The following KCNU1 variants were observed in gnomAD, a reference collection of about 807,000 sequenced individuals.
KCNU1 encodes the protein potassium channel subfamily U member 1.
In KCNU1, 93 loss-of-function variants were observed where a neutral mutation model predicts 126.8. That is an observed-to-expected ratio of 0.73 (90% CI 0.62 to 0.87). KCNU1 has a LOEUF of 0.87. KCNU1 is among the 40% of genes least tolerant of loss of function. KCNU1 has a pLI of 0.00. For synonymous variants in KCNU1, 523 were observed against 494.2 expected (o/e 1.06, Z -0.77); for missense variants, 1,330 against 1,367.1 (o/e 0.97, Z 0.43).
At chr8:36,900,330 A>G (rs913668849) in intron 19 of KCNU1, among the ~76,000 whole-genome samples, 2 of 152,152 alleles carry the variant, frequency 1.3e-5, no homozygotes, top group African/African-American at 4.8e-5. Context: ...GAAATGAACT[A>G]TATAAAATTA....
At chr8:36,869,335 C>T (rs1806019758) in intron 19 of KCNU1, among the ~76,000 whole-genome samples, 1 of 152,090 alleles carries the variant, frequency 6.6e-6, no homozygotes, top group Non-Finnish European at 1.5e-5. Context: ...CCTGGAAATT[C>T]TCCCTATTGG....
chr8:36,876,401 C>T (rs981225285), intron 19 of KCNU1, among the ~76,000 whole-genome samples: 1 of 152,168 alleles, frequency 6.6e-6, no homozygotes, highest in African/African-American at 2.4e-5. Flanking sequence ...TGTCAGAGGA[C>T]TCTCAGTCTT....
intron 19 of KCNU1, among the ~76,000 whole-genome samples, chr8:36,867,798 T>C (rs1419798971): frequency 2.0e-5 from 3 of 152,176 alleles, no homozygotes; most frequent in African/African-American, 2.4e-5. Flanking sequence ...TTCTCGTCTG[T>C]AATAAACAAG....
intron 16 of KCNU1, 85 bp downstream of exon 16, chr8:36,841,088 C>A: frequency 1.1e-6 from 1 of 909,004 alleles, no homozygotes; most frequent in East Asian, 2.7e-5. Flanking sequence ...AGAATTTTTC[C>A]AAAGATGCAG....
chr8:36,811,803 GT>G (rs1803727560), intron 7 of KCNU1, among the ~76,000 whole-genome samples: 1 of 151,978 alleles, frequency 6.6e-6, no homozygotes, highest in Non-Finnish European at 1.5e-5. Context: ...ATGATGGCAG[GT>G]GCCTATAAAC....
intron 19 of KCNU1, among the ~76,000 whole-genome samples, chr8:36,886,119 G>A (rs939447146): frequency 6.6e-6 from 1 of 152,126 alleles, no homozygotes; most frequent in Admixed American, 6.5e-5. Context: ...AGAGGTGCAA[G>A]GAACAGATTA....
intron 7 of KCNU1, among the ~76,000 whole-genome samples, 182 bp from the exon 8 acceptor site, chr8:36,814,025 C>T (rs768062839): frequency 1.4e-4 from 21 of 152,208 alleles, no homozygotes; most frequent in Non-Finnish European, 2.4e-4. Flanking sequence ...CAAGACTTTA[C>T]ACTCACTACC....
intron 18 of KCNU1, among the ~76,000 whole-genome samples, chr8:36,855,979 C>T (rs1805514522): frequency 6.6e-6 from 1 of 152,094 alleles, no homozygotes; most frequent in Non-Finnish European, 1.5e-5. Context: ...ATTTAGTCCA[C>T]AACAGTCACA....
At chr8:36,871,272 A>T (rs1488409130) in intron 19 of KCNU1, among the ~76,000 whole-genome samples, 1 of 152,120 alleles carries the variant, frequency 6.6e-6, no homozygotes, top group Non-Finnish European at 1.5e-5. Flanking sequence ...AATTTTGAAA[A>T]GATGACTAGA....
chr8:36,796,940 A>G (rs778678068), intron 2 of KCNU1, among the ~76,000 whole-genome samples: 7 of 152,184 alleles, frequency 4.6e-5, no homozygotes, highest in Non-Finnish European at 7.3e-5. Context: ...GCATAATAGA[A>G]TATCTAAATA....
chr8:36,871,231 GAGTT>G (rs1416429642), intron 19 of KCNU1, among the ~76,000 whole-genome samples: 5 of 152,080 alleles, frequency 3.3e-5, no homozygotes, highest in Non-Finnish European at 7.4e-5. Flanking sequence ...ACAGATGAAA[GAGTT>G]AGGGTGGCAG....
intron 18 of KCNU1, 135 bp downstream of exon 18, chr8:36,846,034 G>T (rs1377823231): frequency 3.2e-6 from 2 of 626,976 alleles, no homozygotes; most frequent in East Asian, 2.7e-5. Flanking sequence ...TTTCCTCACT[G>T]ACCACACAAG....
intron 22 of KCNU1, among the ~76,000 whole-genome samples, chr8:36,913,600 AT>A (rs11331239): frequency 0.34 from 43,716 of 128,856 alleles, 6,861 homozygotes; most frequent in Non-Finnish European, 0.42. Context: ...GTGAGGTCAC[AT>A]TTTTTTTTTT....
chr8:36,919,442 A>C (rs1185930895), intron 23 of KCNU1, among the ~76,000 whole-genome samples: 1 of 151,808 alleles, frequency 6.6e-6, no homozygotes, highest in Non-Finnish European at 1.5e-5. Context: ...AAAAAAAAAA[A>C]AAAACTCTCG....
At chr8:36,823,516 A>G (rs1444867506) in intron 10 of KCNU1, among the ~76,000 whole-genome samples, 1 of 152,144 alleles carries the variant, frequency 6.6e-6, no homozygotes, top group Non-Finnish European at 1.5e-5. Flanking sequence ...CGGCAAATAA[A>G]TATTGTTCAT....
At chr8:36,812,128 C>T (rs892159068) in intron 7 of KCNU1, among the ~76,000 whole-genome samples, 1 of 151,774 alleles carries the variant, frequency 6.6e-6, no homozygotes, top group Non-Finnish European at 1.5e-5. Context: ...CCTGTAATCC[C>T]AGCACTTTGG....
At chr8:36,818,296 T>C (rs769077906) in intron 10 of KCNU1, among the ~76,000 whole-genome samples, 1 of 152,166 alleles carries the variant, frequency 6.6e-6, no homozygotes, top group Admixed American at 6.5e-5. Flanking sequence ...AATTTTCAAT[T>C]TGGTAAGATT....
chr8:36,901,777 A>G (rs544711711), intron 19 of KCNU1, among the ~76,000 whole-genome samples: 13 of 152,048 alleles, frequency 8.5e-5, no homozygotes, highest in Admixed American at 1.3e-4. Context: ...CAACCCCACT[A>G]TTATCCCAAA....
At chr8:36,806,230 G>A (rs1395260464) in intron 4 of KCNU1, 39 bp from the exon 5 acceptor site, 4 of 1,337,004 alleles carry the variant, frequency 3.0e-6, no homozygotes, top group Non-Finnish European at 3.2e-6. Context: ...AAATTCTTGA[G>A]GGTAACAGAA....
Sources: allele counts gnomAD v4.1 joint callset (sites outside exome capture counted in the v4.1 genomes callset), GRCh38; gene constraint gnomAD v4.1.1; transcripts MANE v1.5; gene names NCBI Gene and HGNC (gene_info 2026-07-23, HGNC 2026-07-21).